The following ITCH variants were observed in gnomAD, a reference collection of about 807,000 sequenced individuals.
ITCH encodes E3 ubiquitin-protein ligase Itchy homolog.
In ITCH, 28 loss-of-function variants were observed where a neutral mutation model predicts 126.8. The ratio of observed to expected loss-of-function variants is 0.22; its 90% CI spans 0.16 to 0.30. The LOEUF (loss-of-function observed/expected upper bound fraction) is 0.30. Among genes scored for constraint, ITCH ranks in the 10% least tolerant of loss-of-function variants. The probability of loss-of-function intolerance (pLI) is 1.00; values close to 1 mark genes in which losing one functional copy is unlikely to be tolerated. For missense variants in ITCH, 631 were observed against 1,032.4 expected (o/e 0.61, Z 5.33); for synonymous variants, 342 against 340.0 (o/e 1.01, Z -0.06).
chr20:34,486,454 C>G (rs906649468), intron 20 of ITCH, among the ~76,000 whole-genome samples: 4 of 151,124 alleles, frequency 2.6e-5, no homozygotes, highest in Non-Finnish European at 4.4e-5. Flanking sequence ...GCCTCCCGAG[C>G]AGCTGGGATT....
chr20:34,409,866 T>C (rs1168396101), intron 4 of ITCH, among the ~76,000 whole-genome samples: 2 of 152,116 alleles, frequency 1.3e-5, no homozygotes, highest in East Asian at 1.9e-4. Context: ...AAAATTAAAA[T>C]AGAAGAAAAC....
chr20:34,497,873 C>T lies in ITCH; in HGVS notation c.2416+5276C>T, dbSNP rs567422926. ...GATTACAGGCATGAGCCACTACACC[C>T]AGCCGTCATTGGTATTTCTGTAGGG... On this transcript the variant is annotated intron_variant, in intron 23 of 24. Transcript: ENST00000374864. Among the ~76,000 whole-genome samples, 3 of 152,356 alleles carry T rather than the reference C, an allele frequency of 2.0e-5. No individual in the cohort carries two copies. In the South Asian group the frequency reaches 6.2e-4, roughly 32 times the overall value.
chr20:34,495,283 TA>T (rs1358616507), intron 23 of ITCH, among the ~76,000 whole-genome samples: 8 of 70,130 alleles, frequency 1.1e-4, no homozygotes, highest in East Asian at 9.4e-4. Flanking sequence ...AATAAATAAA[TA>T]AATAAATAAA....
At chr20:34,471,400 T>C (rs1987607088) in intron 15 of ITCH, 44 bp from the exon 16 acceptor site, 1 of 1,121,906 alleles carries the variant, frequency 8.9e-7, no homozygotes, top group South Asian at 1.2e-5. Flanking sequence ...TTTGATAGGC[T>C]ATTTTAATGA....
At chr20:34,483,302 G>A (rs984326888) in intron 20 of ITCH, among the ~76,000 whole-genome samples, 1 of 152,172 alleles carries the variant, frequency 6.6e-6, no homozygotes, top group African/African-American at 2.4e-5. Flanking sequence ...AGATTTTCTT[G>A]TCTATTGCAT....
At chr20:34,368,066 C>G (rs1020010921) in intron 1 of ITCH, among the ~76,000 whole-genome samples, 4 of 152,134 alleles carry the variant, frequency 2.6e-5, no homozygotes, top group African/African-American at 4.8e-5. Flanking sequence ...GTCAGGAGAT[C>G]GAGATCATCC....
chr20:34,468,758 T>TC (rs1404972362), intron 14 of ITCH, among the ~76,000 whole-genome samples: 2 of 147,576 alleles, frequency 1.4e-5, no homozygotes, highest in Non-Finnish European at 3.0e-5. Flanking sequence ...GCCACTGCAC[T>TC]CCAGCCTGGG....
chr20:34,375,073 C>CT (rs2037784140), intron 2 of ITCH, among the ~76,000 whole-genome samples: 1 of 146,906 alleles, frequency 6.8e-6, no homozygotes, highest in East Asian at 2.0e-4. Flanking sequence ...CAGAATCTCG[C>CT]TCTTGTTGCC....
At chr20:34,411,976 G>T (rs1979101783) in intron 4 of ITCH, among the ~76,000 whole-genome samples, 3 of 152,182 alleles carry the variant, frequency 2.0e-5, no homozygotes, top group Admixed American at 2.0e-4. Flanking sequence ...AAATCATGTA[G>T]CTGACGTGAG....
intron 6 of ITCH, among the ~76,000 whole-genome samples, chr20:34,415,665 C>T (rs1314236957): frequency 6.6e-6 from 1 of 152,122 alleles, no homozygotes; most frequent in Admixed American, 6.5e-5. Context: ...GGAGTTGACA[C>T]TTTGATTATT....
At chr20:34,502,817 A>G (rs1455574052) in intron 23 of ITCH, among the ~76,000 whole-genome samples, 1 of 152,152 alleles carries the variant, frequency 6.6e-6, no homozygotes, top group African/African-American at 2.4e-5. Flanking sequence ...CCAGGAGTTC[A>G]AGACCAGCCT....
intron 23 of ITCH, among the ~76,000 whole-genome samples, chr20:34,501,576 G>A (rs956489760): frequency 3.9e-5 from 6 of 152,264 alleles, no homozygotes; most frequent in African/African-American, 1.4e-4. Flanking sequence ...GGGAGTTCGA[G>A]ACCAGCCTGA....
At chr20:34,506,337 T>TAC (rs1990619372) in intron 24 of ITCH, among the ~76,000 whole-genome samples, 1 of 152,230 alleles carries the variant, frequency 6.6e-6, no homozygotes, top group African/African-American at 2.4e-5. Flanking sequence ...GTGCTGGAAT[T>TAC]ACAGGCCATC....
intron 2 of ITCH, among the ~76,000 whole-genome samples, chr20:34,375,338 G>A (rs2037795804): frequency 6.7e-6 from 1 of 149,152 alleles, no homozygotes; most frequent in Non-Finnish European, 1.5e-5. Flanking sequence ...ACCGCACCTG[G>A]CCTTTTTTTT....
At chr20:34,370,778 A>T (rs1476716506) in intron 2 of ITCH, among the ~76,000 whole-genome samples, 1 of 152,056 alleles carries the variant, frequency 6.6e-6, no homozygotes, top group Non-Finnish European at 1.5e-5. Context: ...AGGTCAGGAG[A>T]GAAGGAAGAC....
chr20:34,434,356 A>T (rs1315810502), intron 7 of ITCH, among the ~76,000 whole-genome samples: 1 of 152,176 alleles, frequency 6.6e-6, no homozygotes, highest in East Asian at 1.9e-4. Flanking sequence ...TTTAAAAAAG[A>T]GTATAGTGAA....
At position 34,489,160 on chromosome 20, in the gene ITCH, G is replaced by T. The variant is rs1600481235; in HGVS notation, c.2094-106G>T. ...AGGGGGTTCATTATGTTCTATTTTTGAATATATTTTAAGTTTTTTATAATT... is the reference window on the plus strand; with the variant it reads ...AGGGGGTTCATTATGTTCTATTTTTTAATATATTTTAAGTTTTTTATAATT... On this transcript the variant is annotated intron_variant, in intron 20 of 24. Coordinates refer to ENST00000374864, the MANE Select transcript of ITCH (RefSeq NM_031483.7). 6.5e-6 allele frequency: 6 copies of T among 916,754 alleles called. No homozygotes were observed. The East Asian group carries it at 1.7e-4, about 26-fold the overall frequency. 56.8% of individuals were successfully genotyped at this position (916,754 alleles called of 1,614,324 possible). A position where few individuals can be genotyped will look rare whatever the true frequency, so the allele number is the denominator to read the frequency against.
At chr20:34,413,667 G>A in intron 5 of ITCH, 75 bp from the exon 6 acceptor site, 1 of 1,348,838 alleles carries the variant, frequency 7.4e-7, no homozygotes, top group Non-Finnish European at 1.0e-6. Flanking sequence ...ATTTTTAACA[G>A]TTAATTTTTA....
intron 13 of ITCH, among the ~76,000 whole-genome samples, chr20:34,460,261 TTGC>T (rs1986385207): frequency 1.3e-5 from 2 of 151,982 alleles, no homozygotes; most frequent in Non-Finnish European, 2.9e-5. Flanking sequence ...TGATCATGGC[TTGC>T]TGCAGCCTTG....
Sources: allele counts gnomAD v4.1 joint callset (sites outside exome capture counted in the v4.1 genomes callset), GRCh38; gene constraint gnomAD v4.1.1; transcripts MANE v1.5; gene names NCBI Gene and HGNC (gene_info 2026-07-23, HGNC 2026-07-21).